CNTNAP4: variants seen among roughly 807,000 people sequenced by gnomAD.
CNTNAP4 encodes contactin-associated protein-like 4.
CNTNAP4 carries 98 observed loss-of-function variants against 148.4 expected under a neutral mutation model. The ratio of observed to expected loss-of-function variants is 0.66; its 90% CI spans 0.56 to 0.78. CNTNAP4 has a LOEUF of 0.78. CNTNAP4 is among the 30% of genes least tolerant of loss of function. CNTNAP4 has a pLI of 0.00. For missense variants in CNTNAP4, 1,935 were observed against 1,565.6 expected, an observed-to-expected ratio of 1.24 and a Z score of -3.98; for synonymous variants, 730 against 565.1, an observed-to-expected ratio of 1.29 and a Z score of -4.14.
chr16:76,552,713 C>G (rs900723856), intron 21 of CNTNAP4, among the ~76,000 whole-genome samples: 2 of 152,054 alleles, frequency 1.3e-5, no homozygotes, highest in Non-Finnish European at 2.9e-5. Flanking sequence ...CTAATAACTT[C>G]GAGGTATGGC....
chr16:76,460,161 G>A (rs2080887425), intron 8 of CNTNAP4, among the ~76,000 whole-genome samples: 2 of 152,048 alleles, frequency 1.3e-5, no homozygotes, highest in African/African-American at 4.8e-5. Flanking sequence ...AGGCTGGAGT[G>A]CAATGGTGCA....
intron 15 of CNTNAP4, among the ~76,000 whole-genome samples, chr16:76,504,560 T>G (rs1305242607): frequency 6.6e-6 from 1 of 152,142 alleles, no homozygotes; most frequent in Non-Finnish European, 1.5e-5. Context: ...GGGTTGGGCA[T>G]AGATTTCTTA....
At chr16:76,356,084 A>T (rs999566780) in intron 3 of CNTNAP4, among the ~76,000 whole-genome samples, 1 of 151,874 alleles carries the variant, frequency 6.6e-6, no homozygotes, top group Non-Finnish European at 1.5e-5. Flanking sequence ...CATGTTGGCC[A>T]GGCTGGACTC....
intron 17 of CNTNAP4, 29 bp from the exon 18 acceptor site, chr16:76,535,516 T>G (rs192411998): frequency 2.5e-6 from 4 of 1,608,866 alleles, no homozygotes; most frequent in Non-Finnish European, 3.4e-6. Context: ...CCTAGGAACA[T>G]GTTTCCATTT....
intron 3 of CNTNAP4, among the ~76,000 whole-genome samples, chr16:76,423,935 T>A (rs2079282246): frequency 6.6e-6 from 1 of 152,158 alleles, no homozygotes; most frequent in Non-Finnish European, 1.5e-5. Context: ...ATTTTATTAT[T>A]ATAAAATTAA....
At chr16:76,284,565 T>G (rs1419449676) in intron 1 of CNTNAP4, among the ~76,000 whole-genome samples, 1 of 151,976 alleles carries the variant, frequency 6.6e-6, no homozygotes, top group Non-Finnish European at 1.5e-5. Flanking sequence ...GGGTTTAAAA[T>G]CTTAAGAAAT....
At chr16:76,551,436 C>T (rs1450967249) in intron 21 of CNTNAP4, among the ~76,000 whole-genome samples, 2 of 150,138 alleles carry the variant, frequency 1.3e-5, no homozygotes, top group Non-Finnish European at 3.0e-5. Context: ...AGCTCAGATG[C>T]CCAGGGTTAG....
intron 17 of CNTNAP4, among the ~76,000 whole-genome samples, chr16:76,528,221 A>G (rs1022058472): frequency 1.4e-4 from 21 of 152,144 alleles, no homozygotes; most frequent in African/African-American, 4.3e-4. Context: ...AACTGGGTCT[A>G]TGTTGGTAAT....
intron 3 of CNTNAP4, among the ~76,000 whole-genome samples, chr16:76,394,612 G>T (rs1357037421): frequency 6.6e-6 from 1 of 151,956 alleles, no homozygotes; most frequent in Non-Finnish European, 1.5e-5. Flanking sequence ...TTTAAGTGAG[G>T]TTTATAATGA....
At chr16:76,495,198 G>A in intron 14 of CNTNAP4, 132 bp downstream of exon 14, 1 of 967,644 alleles carries the variant, frequency 1.0e-6, no homozygotes, top group Non-Finnish European at 1.5e-6. Flanking sequence ...TTGTTTTAAT[G>A]AAACGTGGTG....
At chr16:76,543,822 C>G (rs372878163) in intron 21 of CNTNAP4, among the ~76,000 whole-genome samples, 6 of 152,136 alleles carry the variant, frequency 3.9e-5, no homozygotes, top group Admixed American at 3.9e-4. Context: ...AGTGGGGACC[C>G]TTGGTCAATT....
chr16:76,533,502 G>T (rs575660605), intron 17 of CNTNAP4, among the ~76,000 whole-genome samples: 19 of 152,256 alleles, frequency 1.2e-4, no homozygotes, highest in African/African-American at 3.8e-4. Context: ...ACTAAAAAAT[G>T]ATAAATGTTT....
At chr16:76,473,449 G>A (rs1568315294) in intron 10 of CNTNAP4, among the ~76,000 whole-genome samples, 1 of 151,862 alleles carries the variant, frequency 6.6e-6, no homozygotes, top group Non-Finnish European at 1.5e-5. Context: ...AGTTAAAATT[G>A]GAAAAAATTC....
intron 3 of CNTNAP4, among the ~76,000 whole-genome samples, chr16:76,358,884 G>A (rs904541941): frequency 1.3e-5 from 2 of 152,118 alleles, no homozygotes; most frequent in Non-Finnish European, 2.9e-5. Context: ...GTATGTGTGT[G>A]TATATATATG....
chr16:76,487,205 A>G lies in CNTNAP4; in HGVS notation c.1883-2481A>G, dbSNP rs373058772. 1.3e-4 allele frequency among the ~76,000 whole-genome samples: 20 copies of G among 152,338 alleles called. No individual in the cohort carries two copies. In the East Asian group the frequency reaches 3.3e-3, roughly 25 times the overall value. ...ATGTCAGAGCCACCGCAGCATCTGAATCAGATAACCTAGGAGGTTGTGCTC... is the reference window on the plus strand; with the variant it reads ...ATGTCAGAGCCACCGCAGCATCTGAGTCAGATAACCTAGGAGGTTGTGCTC... On this transcript the variant is annotated intron_variant, in intron 12 of 23. Coordinates refer to ENST00000611870, the MANE Select transcript of CNTNAP4 (RefSeq NM_033401.5).
chr16:76,464,818 C>T (rs1290130082), intron 9 of CNTNAP4, among the ~76,000 whole-genome samples: 1 of 152,168 alleles, frequency 6.6e-6, no homozygotes, highest in African/African-American at 2.4e-5. Flanking sequence ...TTTTTTTCCA[C>T]CCTCAAACAG....
intron 7 of CNTNAP4, among the ~76,000 whole-genome samples, chr16:76,451,218 C>A (rs1440328937): frequency 6.6e-6 from 1 of 152,196 alleles, no homozygotes; most frequent in African/African-American, 2.4e-5. Context: ...ACCTTAGGGG[C>A]AAAATGTGTT....
chr16:76,483,864 C>G (rs999058493), intron 12 of CNTNAP4, among the ~76,000 whole-genome samples: 1 of 151,968 alleles, frequency 6.6e-6, no homozygotes, highest in South Asian at 2.1e-4. Context: ...TAAATTTTAG[C>G]AAGTAGGCAA....
chr16:76,471,000 TCA>T (rs1184963930), intron 10 of CNTNAP4, among the ~76,000 whole-genome samples: 1 of 150,916 alleles, frequency 6.6e-6, no homozygotes, highest in Non-Finnish European at 1.5e-5. Context: ...TCATGCACAC[TCA>T]CACACAACCA....
Sources: allele counts gnomAD v4.1 joint callset (sites outside exome capture counted in the v4.1 genomes callset), GRCh38; gene constraint gnomAD v4.1.1; transcripts MANE v1.5; gene names NCBI Gene and HGNC (gene_info 2026-07-23, HGNC 2026-07-21).